The following SYNJ2 variants were observed in gnomAD, a reference collection of about 807,000 sequenced individuals.
SYNJ2 encodes polyphosphatidylinositol phosphatase SYNJ2.
A neutral mutation model predicts 141.3 loss-of-function variants in SYNJ2; 116 were observed. The ratio of observed to expected loss-of-function variants is 0.82; its 90% CI spans 0.71 to 0.96. The LOEUF is 0.96. SYNJ2 is among the 40% of genes least tolerant of loss of function. The pLI is 0.00. For missense variants in SYNJ2, 1,873 were observed against 1,934.8 expected, an observed-to-expected ratio of 0.97 and a Z score of 0.60; for synonymous variants, 745 against 777.7, an observed-to-expected ratio of 0.96 and a Z score of 0.70.
At chr6:158,087,117 C>G in intron 23 of SYNJ2, 128 bp downstream of exon 23, 1 of 1,097,718 alleles carries the variant, frequency 9.1e-7, no homozygotes, top group Non-Finnish European at 1.3e-6. Flanking sequence ...CTTCCTCCTC[C>G]TTGGGCTCCG....
chr6:158,068,592 C>A (rs1583454201), intron 12 of SYNJ2, 55 bp from the exon 13 acceptor site: 1 of 1,601,548 alleles, frequency 6.2e-7, no homozygotes, highest in Non-Finnish European at 8.6e-7. Flanking sequence ...CCCATGAACT[C>A]GTAATGCGGG....
intron 18 of SYNJ2, among the ~76,000 whole-genome samples, chr6:158,080,598 T>C: frequency 6.6e-6 from 1 of 151,096 alleles, no homozygotes; most frequent in African/African-American, 2.4e-5. Flanking sequence ...TTCCTTAGAA[T>C]AAAGTCCGAG....
At chr6:158,079,663 CTCTTTAGATAATTCTAAAT>C (rs1782551322) in intron 18 of SYNJ2, among the ~76,000 whole-genome samples, 1 of 152,210 alleles carries the variant, frequency 6.6e-6, no homozygotes, top group African/African-American at 2.4e-5. Context: ...CATGCCCAGA[CTCTTTAGATAATTCTAAAT>C]TCTTTAGATA....
At chr6:158,082,226 C>T (rs1295424294) in intron 20 of SYNJ2, among the ~76,000 whole-genome samples, 3 of 152,018 alleles carry the variant, frequency 2.0e-5, no homozygotes, top group Non-Finnish European at 4.4e-5. Context: ...TGGTGGCTTA[C>T]GCCTGTAATC....
chr6:158,050,159 A>G (rs1780488184), intron 5 of SYNJ2, among the ~76,000 whole-genome samples: 2 of 152,236 alleles, frequency 1.3e-5, no homozygotes, highest in Admixed American at 6.5e-5. Flanking sequence ...ACCTAAGCCA[A>G]AAGGGAACAT....
At chr6:158,012,279 A>G (rs1778296451) in intron 1 of SYNJ2, among the ~76,000 whole-genome samples, 1 of 152,212 alleles carries the variant, frequency 6.6e-6, no homozygotes, top group Non-Finnish European at 1.5e-5. Flanking sequence ...TGAATGTGGC[A>G]CTTACATGGC....
chr6:158,028,089 T>C (rs1011654291), intron 2 of SYNJ2: 2 of 153,162 alleles, frequency 1.3e-5, no homozygotes, highest in African/African-American at 4.8e-5. Flanking sequence ...TTATGGCACA[T>C]TGGACCAGCT....
At chr6:158,075,707 G>A (rs1452588393) in intron 16 of SYNJ2, among the ~76,000 whole-genome samples, 3 of 151,934 alleles carry the variant, frequency 2.0e-5, no homozygotes, top group South Asian at 2.1e-4. Flanking sequence ...GACGTTCTTC[G>A]AGGTTTACTG....
chr6:158,093,971 AAG>A (rs772742248), intron 26 of SYNJ2: 9 of 765,122 alleles, frequency 1.2e-5, no homozygotes, highest in Non-Finnish European at 2.2e-5. Context: ...TAGCAGCCCA[AAG>A]ACTGGCATCT....
In SYNJ2 at chr6:158,096,460, G is replaced by C; in HGVS notation, c.*96G>C. On this transcript the variant is annotated 3_prime_UTR_variant, in exon 27 of 27. Coordinates refer to ENST00000355585, the MANE Select transcript of SYNJ2 (RefSeq NM_003898.4). The stretch of plus-strand genomic sequence containing the variant: ...AGAGACATCTATTTAAAGGCACACT[G>C]GCCAAAACGTTTGTGCATCTGTCAC... 7.1e-7 allele frequency: 1 copy of C among 1,400,358 alleles called. No individual in the cohort carries two copies. Among genetic ancestry groups the C allele is most frequent in the Non-Finnish European group, 9.5e-7 (1 of 1,051,306 alleles). 86.7% of individuals were successfully genotyped at this position (1,400,358 alleles called of 1,614,324 possible). A position where few individuals can be genotyped will look rare whatever the true frequency, so the allele number is the denominator to read the frequency against.
chr6:158,081,344 C>G lies in SYNJ2; in HGVS notation c.2786+17C>G. ...TCTTGTCAGGTAACTGCTCCCCTGG[C>G]TGATGTGGGTTCCAGGGGATGTCGA... On this transcript the variant is annotated intron_variant, in intron 19 of 26. Transcript: ENST00000355585. 1.2e-6 allele frequency: 2 copies of G among 1,613,228 alleles called. No homozygotes were observed. The highest frequency in any genetic ancestry group is 2.2e-5 in the South Asian group (2 of 91,064).
At chr6:158,066,299 TGTC>T in intron 11 of SYNJ2, 142 bp from the exon 12 acceptor site, 1 of 889,174 alleles carries the variant, frequency 1.1e-6, no homozygotes, top group Non-Finnish European at 1.7e-6. Flanking sequence ...TTAAGCCTTT[TGTC>T]GTCTTCGTAA....
intron 2 of SYNJ2, among the ~76,000 whole-genome samples, chr6:158,019,228 A>G (rs1341734303): frequency 6.6e-6 from 1 of 152,234 alleles, no homozygotes; most frequent in Non-Finnish European, 1.5e-5. Flanking sequence ...GATTCGACGA[A>G]TTACAGTAAC....
chr6:158,092,865 C>G (rs567362943), intron 25 of SYNJ2, 61 bp from the exon 26 acceptor site: 1 of 1,470,082 alleles, frequency 6.8e-7, no homozygotes, highest in Admixed American at 2.3e-5. Flanking sequence ...TGTCTAAGGA[C>G]GAAATCATGC....
chr6:158,094,059 C>T (rs760127390), intron 26 of SYNJ2: 20 of 754,710 alleles, frequency 2.7e-5, no homozygotes, highest in Non-Finnish European at 3.7e-5. Context: ...CTGGTCATCA[C>T]AGCACGATGC....
chr6:158,076,513 G>A, intron 16 of SYNJ2, 113 bp from the exon 17 acceptor site: 1 of 1,198,918 alleles, frequency 8.3e-7, no homozygotes, highest in Non-Finnish European at 1.2e-6. Context: ...AAATGTAATG[G>A]AGCTTCTGTT....
chr6:158,044,780 T>C (rs1207066696), intron 5 of SYNJ2, among the ~76,000 whole-genome samples: 1 of 152,186 alleles, frequency 6.6e-6, no homozygotes, highest in African/African-American at 2.4e-5. Context: ...GTCTCCCTCA[T>C]GCCAACTCGA....
Position 158,095,681 on chromosome 6 carries a change from A to C in SYNJ2, c.3808A>C (p.Thr1270Pro). The C allele has an allele frequency of 6.2e-7, 1 of 1,613,812 alleles. No homozygotes were observed. The highest frequency in any genetic ancestry group is 1.1e-5 in the South Asian group (1 of 91,026). The change falls in exon 27 of 27, where the codon ACA (threonine) becomes CCA (proline). Residue 1270 changes from threonine to proline, a missense_variant. Thr to Pro is a conservative substitution (Grantham distance 38). Transcript: ENST00000355585. ...CCATTTTACAATCGGGCCCCCGGAG[A>C]CAAGCGTTGAGGCCCCTCCTGTCGT... Reference protein sequence around the residue: ...TVHFTIGPPETSVEAPPVVTA... With the variant: ...TVHFTIGPPEPSVEAPPVVTA...
chr6:158,039,885 A>G (rs1231239188), intron 4 of SYNJ2, among the ~76,000 whole-genome samples: 1 of 152,192 alleles, frequency 6.6e-6, no homozygotes, highest in Non-Finnish European at 1.5e-5. Flanking sequence ...GGGCCCCTGC[A>G]GAGGAAACAG....
Sources: gnomAD v4.1 joint callset for allele counts (sites outside exome capture counted in the v4.1 genomes callset) on GRCh38, gnomAD v4.1.1 for gene constraint, MANE v1.5 for transcripts, NCBI Gene and HGNC (gene_info 2026-07-23, HGNC 2026-07-21) for gene names.